Variants in NUP133 observed in about 807,000 individuals in gnomAD.
NUP133 encodes the protein nuclear pore complex protein Nup133.
A neutral mutation model predicts 146.2 loss-of-function variants in NUP133; 66 were observed. The observed-to-expected ratio is 0.45, with a 90% CI of 0.37 to 0.55. The LOEUF (loss-of-function observed/expected upper bound fraction) is 0.55, where lower values mean the gene tolerates loss of function less well. Among genes scored for constraint, NUP133 ranks in the 20% least tolerant of loss-of-function variants. The pLI, the probability that NUP133 is intolerant of heterozygous loss-of-function variation, is 0.00. For missense variants in NUP133, 1,277 were observed against 1,374.8 expected, an observed-to-expected ratio of 0.93 and a Z score of 1.12; for synonymous variants, 521 against 498.8, an observed-to-expected ratio of 1.04 and a Z score of -0.59.
chr1:229,442,465 C>A (rs1203188845), intron 25 of NUP133, among the ~76,000 whole-genome samples: 1 of 152,172 alleles, frequency 6.6e-6, no homozygotes, highest in Non-Finnish European at 1.5e-5. Flanking sequence ...GCAAAAGAAT[C>A]ATTTCTTCAC....
intron 19 of NUP133, among the ~76,000 whole-genome samples, 193 bp downstream of exon 19, chr1:229,463,350 G>A (rs1047674725): frequency 6.6e-6 from 1 of 152,164 alleles, no homozygotes; most frequent in African/African-American, 2.4e-5. Context: ...TGAGGCTGTC[G>A]TGAACTGTGA....
chr1:229,463,771 T>C, intron 18 of NUP133, 95 bp from the exon 19 acceptor site: 3 of 1,294,964 alleles, frequency 2.3e-6, no homozygotes, highest in African/African-American at 1.5e-5. Context: ...TTATTCCTAT[T>C]ATAAACCAAC....
At chr1:229,479,276 T>C (rs1042505366) in intron 12 of NUP133, among the ~76,000 whole-genome samples, 1 of 152,152 alleles carries the variant, frequency 6.6e-6, no homozygotes, top group African/African-American at 2.4e-5. Flanking sequence ...CCGCATTTGG[T>C]TGAAAACATG....
rs58951309 is a variant in NUP133 at position 229,472,707 on chromosome 1, C to CATACATAT, written c.1852-1904_1852-1903insATATGTAT. ...CAAAAAAATTAAAAAACTAAATATA[C>CATACATAT]ATATATATATATATATATATGTACA... On this transcript the variant is annotated intron_variant, in intron 14 of 25. Coordinates refer to ENST00000261396, the MANE Select transcript of NUP133 (RefSeq NM_018230.3). Among the ~76,000 whole-genome samples, 481 of 124,318 alleles carry CATACATAT rather than the reference C, an allele frequency of 3.9e-3. 19 individuals are homozygous for CATACATAT. Among genetic ancestry groups the CATACATAT allele is most frequent in the African/African-American group, 0.013 (425 of 31,994 alleles). 81.6% of individuals were successfully genotyped at this position (124,318 alleles called of 152,430 possible).
intron 1 of NUP133, 101 bp downstream of exon 1, chr1:229,507,967 C>A: frequency 7.7e-7 from 1 of 1,305,230 alleles, no homozygotes; most frequent in East Asian, 3.0e-5. Context: ...CATTCTATTC[C>A]GCCGCCCCGG....
chr1:229,464,875 G>A lies in NUP133; in HGVS notation c.2300C>T (p.Ala767Val). 1 of 1,613,666 alleles carries A rather than the reference G, an allele frequency of 6.2e-7. No individual in the cohort carries two copies. The highest frequency in any genetic ancestry group is 8.5e-7 in the Non-Finnish European group (1 of 1,179,610). The change falls in exon 18 of 26, where the codon GCA becomes GTA. Residue 767 changes from alanine to valine, a missense_variant and splice_region_variant. Ala to Val is a moderately conservative substitution (Grantham distance 64, BLOSUM62 0). Coordinates refer to ENST00000261396, the MANE Select transcript of NUP133 (RefSeq NM_018230.3). Reference sequence around the variant, plus strand: ...TCGGATGCCACCAGGACCACTTGTTGCTGTGAAATTACACAAAATAATATG... The same window carrying A: ...TCGGATGCCACCAGGACCACTTGTTACTGTGAAATTACACAAAATAATATG... The part of the protein sequence containing the change: ...EKEPEYVPWT[A>V]TSGPGGIRTV...
chr1:229,474,919 G>A lies in NUP133; in HGVS notation c.1851+719C>T, dbSNP rs543173585. On this transcript the variant is annotated intron_variant, in intron 14 of 25. Coordinates refer to ENST00000261396, the MANE Select transcript of NUP133 (RefSeq NM_018230.3). ...GGAGTTCGAGACCAGCCTGGGCAAC[G>A]TAGTAAGATTCTGTCTCTACAAAAA... Among the ~76,000 whole-genome samples, 8 of 151,938 alleles carry A rather than the reference G, an allele frequency of 5.3e-5. 1 individual carries two copies. Among genetic ancestry groups the A allele is most frequent in the Admixed American group, 3.9e-4 (6 of 15,252 alleles).
intron 13 of NUP133, among the ~76,000 whole-genome samples, chr1:229,476,702 C>T (rs1571923795): frequency 1.3e-5 from 2 of 151,786 alleles, no homozygotes; most frequent in East Asian, 3.9e-4. Context: ...AGCGGGTGGA[C>T]CACCTGAGGT....
Position 229,441,835 on chromosome 1 carries a change from T to G in NUP133, c.*69A>C, listed in dbSNP as rs1229461380. 7.8e-7 allele frequency: 1 copy of G among 1,287,814 alleles called. No individual in the cohort carries two copies. Among genetic ancestry groups the G allele is most frequent in the Non-Finnish European group, 1.1e-6 (1 of 945,536 alleles). The allele number at this position is 1,287,814 out of a possible 1,614,324, so 79.8% of individuals were successfully genotyped here. Reference sequence around the variant, plus strand: ...GAAATTGTACAAACTTACACTTGTTTATGGCCTAAAATTTGTATAAGGACA... The same window carrying G: ...GAAATTGTACAAACTTACACTTGTTGATGGCCTAAAATTTGTATAAGGACA... On this transcript the variant is annotated 3_prime_UTR_variant, in exon 26 of 26. Transcript: ENST00000261396.
At position 229,495,951 on chromosome 1, in the gene NUP133, G is replaced by T; in HGVS notation, c.916C>A (p.His306Asn). Residue 306 changes from histidine (H) to asparagine (N), a missense_variant, in exon 7 of 26, where the codon CAT (histidine) becomes AAT (asparagine). This residue lies in a region of NUP133 where 952 missense variants were observed against 1,047.0 expected (regional missense o/e 0.91). Transcript: ENST00000261396. ...CTATTTATATCCCAACTGTATGCAT[G>T]CTTTTCTGAAGAATCATCTAATTCC... is the stretch of plus-strand genomic sequence containing the variant. Reference protein sequence around the residue: ...KWELDDSSEKHAYSWDINRAL... With the variant: ...KWELDDSSEKNAYSWDINRAL... The T allele has an allele frequency of 6.2e-7, 1 of 1,611,526 alleles. No homozygotes were observed. The highest frequency in any genetic ancestry group is 1.3e-5 in the African/African-American group (1 of 74,888).
At chr1:229,449,333 G>T in intron 23 of NUP133, 143 bp from the exon 24 acceptor site, 1 of 581,436 alleles carries the variant, frequency 1.7e-6, no homozygotes, top group Admixed American at 3.2e-5. Flanking sequence ...TGGTGATGAT[G>T]ATTTTATCAG....
intron 8 of NUP133, among the ~76,000 whole-genome samples, chr1:229,492,435 C>T (rs1031400892): frequency 4.6e-5 from 7 of 152,062 alleles, no homozygotes; most frequent in Admixed American, 6.6e-5. Flanking sequence ...ATTCAAGTCT[C>T]AAAAAGATTA....
rs545586165 is a variant in NUP133, at chr1:229,506,157, C to G, written c.184G>C (p.Gly62Arg). Residue 62 changes from glycine to arginine, a missense_variant and splice_region_variant, in exon 2 of 26, where the codon GGA (glycine) becomes CGA (arginine). This residue lies in a region of NUP133 where 319 missense variants were observed against 306.9 expected (regional missense o/e 1.04). Coordinates refer to ENST00000261396, the MANE Select transcript of NUP133 (RefSeq NM_018230.3). ...TGTGGGAACATTCGTGTTGGTGTTC[C>G]CCTAAAGAAAAGAGTCTATATTACC... ...VGRRSSLSSR[G>R]TPTRMFPHHS... 5 of 1,582,570 alleles carry G rather than the reference C, an allele frequency of 3.2e-6. No homozygotes were observed. The South Asian group carries it at 5.6e-5, about 18-fold the overall frequency.
At chr1:229,470,521 G>T in intron 15 of NUP133, 59 bp downstream of exon 15, 1 of 1,366,844 alleles carries the variant, frequency 7.3e-7, no homozygotes. Context: ...TTCCTGCCTA[G>T]GGCATGATCA....
intron 25 of NUP133, 68 bp downstream of exon 25, chr1:229,444,846 C>CAA (rs67514588): frequency 1.0e-3 from 1,074 of 1,038,988 alleles, no homozygotes; most frequent in Middle Eastern, 1.5e-3. Flanking sequence ...GACTCCGTCT[C>CAA]AAAAAAAAAC....
At chr1:229,507,466 T>C (rs575146423) in intron 1 of NUP133, among the ~76,000 whole-genome samples, 3 of 152,320 alleles carry the variant, frequency 2.0e-5, no homozygotes, top group African/African-American at 7.2e-5. Flanking sequence ...ATGATTTTAC[T>C]GGTGCTCCAA....
intron 9 of NUP133, among the ~76,000 whole-genome samples, chr1:229,487,830 CTTTTTTAATTT>C (rs1166932849): frequency 6.9e-6 from 1 of 144,868 alleles, no homozygotes; most frequent in Non-Finnish European, 1.5e-5. Flanking sequence ...TTATAATTTG[CTTTTTTAATTT>C]TTTTTTTTTT....
chr1:229,477,454 AAAGG>A, intron 13 of NUP133, 139 bp downstream of exon 13: 1 of 648,412 alleles, frequency 1.5e-6, no homozygotes, highest in Non-Finnish European at 2.3e-6. Context: ...AAAAAAAAAA[AAAGG>A]AAGGTCACAA....
intron 24 of NUP133, among the ~76,000 whole-genome samples, chr1:229,446,242 A>G (rs1004026308): frequency 6.6e-6 from 1 of 152,098 alleles, no homozygotes; most frequent in African/African-American, 2.4e-5. Context: ...CCCGGTCTCT[A>G]CTAAAAATAC....
Sources: allele counts gnomAD v4.1 joint callset (sites outside exome capture counted in the v4.1 genomes callset), GRCh38; gene constraint gnomAD v4.1.1; regional missense constraint gnomAD v4.1.1; transcripts MANE v1.5; gene names NCBI Gene and HGNC (gene_info 2026-07-23, HGNC 2026-07-21).